Variants in MRPS30 observed in about 807,000 individuals in gnomAD.
MRPS30 encodes the protein large ribosomal subunit protein mL65.
MRPS30 carries 42 observed loss-of-function variants against 43.8 expected under a neutral mutation model. The observed-to-expected ratio is 0.96, with a 90% CI of 0.75 to 1.24. The LOEUF is 1.24. Among genes scored for constraint, MRPS30 ranks in the 50% most tolerant of loss-of-function variants. The pLI is 0.00. For synonymous variants in MRPS30, 273 were observed against 228.2 expected (o/e 1.20, Z -1.77); for missense variants, 638 against 570.0 (o/e 1.12, Z -1.22).
chr5:44,811,059 C>A lies in MRPS30; in HGVS notation c.652C>A (p.Pro218Thr), dbSNP rs761249175. 6.2e-7 allele frequency: 1 copy of A among 1,613,872 alleles called. No individual in the cohort carries two copies. Among genetic ancestry groups the A allele is most frequent in the African/African-American group, 1.3e-5 (1 of 74,902 alleles). ...CTGGGTGCGTGGTGAAGAAATTATT[C>A]CTCGTGGTCATCGAAGAGGTCGAAT... ...FYWVRGEEII[P>T]RGHRRGRIDD... is the part of the protein sequence containing the mutation. Residue 218 changes from proline (P) to threonine (T), a missense_variant, in exon 2 of 5, where the codon CCT (proline) becomes ACT (threonine). Physicochemically the swap from Pro to Thr is conservative, Grantham distance 38. Coordinates refer to ENST00000507110, the MANE Select transcript of MRPS30 (RefSeq NM_016640.4).
chr5:44,809,095 C>A lies in MRPS30; in HGVS notation c.133C>A (p.Pro45Thr). ...CGCGGCGACCCCCGTCGCGCGGTAC[C>A]CGCCGATTGTGGCCTCCATGACAGC... is the stretch of plus-strand genomic sequence containing the variant. ...DVAATPVARY[P>T]PIVASMTADS... is the part of the protein sequence containing the mutation. Residue 45 changes from proline (P) to threonine (T), a missense_variant, in exon 1 of 5, where the codon CCG becomes ACG. Pro to Thr is a conservative substitution (Grantham distance 38, BLOSUM62 -1). Coordinates refer to ENST00000507110, the MANE Select transcript of MRPS30 (RefSeq NM_016640.4). The A allele has an allele frequency of 6.2e-7, 1 of 1,611,454 alleles. No individual in the cohort carries two copies. The highest frequency in any genetic ancestry group is 1.3e-5 in the African/African-American group (1 of 75,048).
rs548593282 is a variant in MRPS30, at chr5:44,814,840, A to G, written c.1031-73A>G. 1,293 of 1,371,320 alleles carry G rather than the reference A, an allele frequency of 9.4e-4. 1 individual carries two copies. Among genetic ancestry groups the G allele is most frequent in the Middle Eastern group, 1.3e-3 (7 of 5,340 alleles). 84.9% of individuals were successfully genotyped at this position (1,371,320 alleles called of 1,614,324 possible). ...TGTAGGAGGTATTTGATACCCTCTA[A>G]TGTCTAATGTGATTGTTTTGTTTGG... On this transcript the variant is annotated intron_variant, in intron 4 of 4. Coordinates refer to ENST00000507110, the MANE Select transcript of MRPS30 (RefSeq NM_016640.4).
Position 44,809,056 on chromosome 5 carries a change from A to T in MRPS30, c.94A>T (p.Thr32Ser). Residue 32 changes from threonine to serine, a missense_variant, in exon 1 of 5, where the codon ACC (threonine) becomes TCC (serine). Coordinates refer to ENST00000507110, the MANE Select transcript of MRPS30 (RefSeq NM_016640.4). ...ANAAATATET[T>S]CQDVAATPVA... ...TGCCGCCGCCACGGCTACAGAAACG[A>T]CCTGCCAAGACGTCGCGGCGACCCC... 1 of 1,610,134 alleles carries T rather than the reference A, an allele frequency of 6.2e-7. No homozygotes were observed. The highest frequency in any genetic ancestry group is 8.5e-7 in the Non-Finnish European group (1 of 1,178,864).
intron 3 of MRPS30, 30 bp downstream of exon 3, chr5:44,812,050 T>C (rs765193747): frequency 6.8e-7 from 1 of 1,464,562 alleles, no homozygotes; most frequent in Non-Finnish European, 9.4e-7. Context: ...TATTGTACCA[T>C]AAATGTGTTC....
At chr5:44,809,701 G>A in intron 1 of MRPS30, 138 bp downstream of exon 1, 2 of 1,021,568 alleles carry the variant, frequency 2.0e-6, no homozygotes, top group East Asian at 2.6e-5. Context: ...CCTATCTGGG[G>A]TGGCCTGGTT....
rs752807687 is a variant in MRPS30, at chr5:44,815,126, A to G, written c.1244A>G (p.Asp415Gly). 19 of 1,612,716 alleles carry G rather than the reference A, an allele frequency of 1.2e-5. No homozygotes were observed. The Admixed American group carries it at 3.2e-4, about 27-fold the overall frequency. ...IEDNDVKGFN[D>G]DVLLQIVHFL... is the part of the protein sequence containing the mutation. ...GATAATGATGTGAAAGGTTTTAATGATGATGTTCTACTTCAGATAGTTCAC... is the reference window on the plus strand; with the variant it reads ...GATAATGATGTGAAAGGTTTTAATGGTGATGTTCTACTTCAGATAGTTCAC... The change falls in exon 5 of 5, where the codon GAT becomes GGT. Residue 415 changes from aspartate (D) to glycine (G), a missense_variant. Physicochemically the swap from Asp to Gly is moderately conservative, Grantham distance 94. Transcript: ENST00000507110.
chr5:44,815,083 C>G lies in MRPS30; in HGVS notation c.1201C>G (p.Leu401Val), dbSNP rs1326796414. ...NICWGTQSKP[L>V]YETIEDNDVK... ...ATGTTGGGGTACACAAAGTAAGCCT[C>G]TTTATGAAACAATTGAGGATAATGA... Residue 401 changes from leucine (L) to valine (V), a missense_variant, in exon 5 of 5, where the codon CTT becomes GTT. By Grantham distance (32) the Leu-to-Val change is conservative (BLOSUM62 1). Transcript: ENST00000507110. 1 of 1,613,176 alleles carries G rather than the reference C, an allele frequency of 6.2e-7. No homozygotes were observed. Among genetic ancestry groups the G allele is most frequent in the Admixed American group, 1.7e-5 (1 of 59,994 alleles).
chr5:44,815,363 A>T lies in MRPS30; in HGVS notation c.*161A>T. 3 of 600,052 alleles carry T rather than the reference A, an allele frequency of 5.0e-6. No individual in the cohort carries two copies. Among genetic ancestry groups the T allele is most frequent in the Non-Finnish European group, 7.9e-6 (3 of 377,404 alleles). The allele number at this position is 600,052 out of a possible 1,614,324, so 37.2% of individuals were successfully genotyped here. On this transcript the variant is annotated 3_prime_UTR_variant, in exon 5 of 5. Transcript: ENST00000507110. ...ATCTCTTACTCTGCTCAAATTCATC[A>T]CTGAAAGATTTAATTTTAGTTACCT...
At chr5:44,814,806 T>TAG (rs763237629) in intron 4 of MRPS30, 107 bp from the exon 5 acceptor site, 25 of 990,244 alleles carry the variant, frequency 2.5e-5, no homozygotes, top group Non-Finnish European at 3.4e-5. Flanking sequence ...TTACATAAAG[T>TAG]ATCTAAGTTG....
At chr5:44,809,656 C>G (rs891582726) in intron 1 of MRPS30, 93 bp downstream of exon 1, 4 of 1,330,614 alleles carry the variant, frequency 3.0e-6, no homozygotes, top group Non-Finnish European at 4.1e-6. Context: ...ATTTCTTTCT[C>G]TCTGCTTCGT....
intron 1 of MRPS30, 43 bp downstream of exon 1, chr5:44,809,606 G>T (rs764199058): frequency 3.1e-5 from 47 of 1,517,974 alleles, no homozygotes; most frequent in Non-Finnish European, 1.3e-5. Flanking sequence ...GAGAGATGGG[G>T]ATTGTACTGG....
rs775890424 is a variant in MRPS30 at position 44,815,238 on chromosome 5, A to C, written c.*36A>C. On this transcript the variant is annotated 3_prime_UTR_variant, in exon 5 of 5. Transcript: ENST00000507110. The stretch of plus-strand genomic sequence containing the variant: ...TTGATTGAGAACTGTGGGAATATTT[A>C]AATTTTACTGAAGGAACAATAATGA... The C allele has an allele frequency of 1.7e-5, 26 of 1,493,378 alleles. No individual in the cohort carries two copies. The Admixed American group carries it at 5.7e-4, about 33-fold the overall frequency. The allele number at this position is 1,493,378 out of a possible 1,614,324, so 92.5% of individuals were successfully genotyped here. A position where few individuals can be genotyped will look rare whatever the true frequency, so the allele number is the denominator to read the frequency against.
chr5:44,809,767 C>T (rs1401499670), intron 1 of MRPS30: 2 of 571,178 alleles, frequency 3.5e-6, no homozygotes, highest in Non-Finnish European at 6.1e-6. Context: ...GCTGCGCTAA[C>T]ACCTACCAGC....
intron 1 of MRPS30, chr5:44,809,874 A>C: frequency 2.8e-5 from 9 of 326,460 alleles, no homozygotes; most frequent in East Asian, 5.0e-5. Context: ...GATGAAGAGA[A>C]ACGCCACTTA....
chr5:44,810,755 T>C (rs1742827056), intron 1 of MRPS30, among the ~76,000 whole-genome samples: 1 of 152,242 alleles, frequency 6.6e-6, no homozygotes, highest in Non-Finnish European at 1.5e-5. Flanking sequence ...ATATTCTTGT[T>C]AATCTTATTT....
Position 44,815,038 on chromosome 5 carries a change from A to C in MRPS30, c.1156A>C (p.Asn386His). The change falls in exon 5 of 5, where the codon AAT becomes CAT. Residue 386 changes from asparagine (N) to histidine (H), a missense_variant. Coordinates refer to ENST00000507110, the MANE Select transcript of MRPS30 (RefSeq NM_016640.4). ...TLALTTQADQ[N>H]NPRKNICWGT... The stretch of plus-strand genomic sequence containing the variant: ...GGCACTGACTACACAAGCTGATCAA[A>C]ATAACCCTCGTAAAAATATATGTTG... 1 of 1,613,938 alleles carries C rather than the reference A, an allele frequency of 6.2e-7. No individual in the cohort carries two copies. Among genetic ancestry groups the C allele is most frequent in the East Asian group, 2.2e-5 (1 of 44,840 alleles).
chr5:44,814,474 CT>C (rs1561267344), intron 4 of MRPS30, among the ~76,000 whole-genome samples: 2 of 152,078 alleles, frequency 1.3e-5, no homozygotes, highest in East Asian at 1.9e-4. Context: ...TAAAGTACTT[CT>C]TTTTACAATA....
chr5:44,815,272 G>C lies in MRPS30; in HGVS notation c.*70G>C, dbSNP rs1742902207. ...TGAAGGAACAATAATGATGAGATTT[G>C]TAACTGTCAACTATTAAATACATTG... On this transcript the variant is annotated 3_prime_UTR_variant, in exon 5 of 5. Transcript: ENST00000507110. 1.6e-5 allele frequency: 22 copies of C among 1,341,210 alleles called. No individual in the cohort carries two copies. The highest frequency in any genetic ancestry group is 2.0e-5 in the Non-Finnish European group (20 of 994,220). 83.1% of individuals were successfully genotyped at this position (1,341,210 alleles called of 1,614,324 possible).
chr5:44,809,037 C>T lies in MRPS30; in HGVS notation c.75C>T (p.Ala25=). 5.0e-6 allele frequency: 8 copies of T among 1,610,144 alleles called. No individual in the cohort carries two copies. The highest frequency in any genetic ancestry group is 6.8e-6 in the Non-Finnish European group (8 of 1,178,842). Residue 25 remains alanine, a synonymous_variant, in exon 1 of 5, where the codon GCC becomes GCT. Transcript: ENST00000507110. ...RLSLHTAANA[A]ATATETTCQD... ...CATTGCACACCGCGGCTAATGCCGC[C>T]GCCACGGCTACAGAAACGACCTGCC...
Sources: allele counts gnomAD v4.1 joint callset (sites outside exome capture counted in the v4.1 genomes callset), GRCh38; gene constraint gnomAD v4.1.1; transcripts MANE v1.5; gene names NCBI Gene and HGNC (gene_info 2026-07-23, HGNC 2026-07-21).